The following ADCY8 variants were observed in gnomAD, a reference collection of about 807,000 sequenced individuals.
ADCY8 encodes adenylate cyclase type 8.
A neutral mutation model predicts 119.7 loss-of-function variants in ADCY8; 51 were observed. The observed-to-expected ratio is 0.43, with a 90% confidence interval of 0.34 to 0.54. ADCY8 has a LOEUF of 0.54. ADCY8 is among the 20% of genes least tolerant of loss of function. The pLI is 0.03. For missense variants in ADCY8, 1,383 were observed against 1,598.8 expected, an observed-to-expected ratio of 0.87 and a Z score of 2.30; for synonymous variants, 665 against 651.0, an observed-to-expected ratio of 1.02 and a Z score of -0.33.
intron 9 of ADCY8, among the ~76,000 whole-genome samples, chr8:130,866,301 A>T (rs902954803): frequency 6.7e-5 from 10 of 149,924 alleles, no homozygotes. Flanking sequence ...AAGGTCAAGC[A>T]TGGCCTGCCC....
At chr8:130,879,606 A>G (rs981191825) in intron 8 of ADCY8, among the ~76,000 whole-genome samples, 1 of 152,208 alleles carries the variant, frequency 6.6e-6, no homozygotes, top group Non-Finnish European at 1.5e-5. Context: ...TTTATCCTAA[A>G]AATAAATAAG....
chr8:130,836,444 A>G lies in ADCY8; in HGVS notation c.2508T>C (p.Phe836=). The change falls in exon 12 of 18, where the codon TTT becomes TTC. Residue 836 remains phenylalanine, a synonymous_variant. Transcript: ENST00000286355. The part of the protein sequence containing the change: ...FTDICSYPEY[F]VFTGVLAMVT... ...CCATGGCCAACACCCCCGTGAAGAC[A>G]AAGTACTGGAAACAGAGAATGCAGG... 6.2e-7 allele frequency: 1 copy of G among 1,613,142 alleles called. No homozygotes were observed. The highest frequency in any genetic ancestry group is 8.5e-7 in the Non-Finnish European group (1 of 1,179,524).
intron 1 of ADCY8, among the ~76,000 whole-genome samples, chr8:131,035,368 G>A (rs1824119382): frequency 6.6e-6 from 1 of 152,134 alleles, no homozygotes; most frequent in African/African-American, 2.4e-5. Context: ...AAAACATATG[G>A]GTGATTATGT....
At chr8:130,879,928 G>A (rs1404682011) in intron 8 of ADCY8, among the ~76,000 whole-genome samples, 1 of 152,136 alleles carries the variant, frequency 6.6e-6, no homozygotes, top group African/African-American at 2.4e-5. Context: ...TTGTGGGAGG[G>A]ACCCAGTGGG....
chr8:130,985,185 C>G (rs1822363298), intron 2 of ADCY8, among the ~76,000 whole-genome samples: 1 of 151,902 alleles, frequency 6.6e-6, no homozygotes. Flanking sequence ...CTGTGAAAAT[C>G]AAGGATACGA....
Position 130,984,931 on chromosome 8 carries a change from G to A in ADCY8, c.1110+5462C>T, listed in dbSNP as rs185202136. 7.2e-5 allele frequency among the ~76,000 whole-genome samples: 11 copies of A among 152,222 alleles called. No individual in the cohort carries two copies. The East Asian group carries it at 1.7e-3, about 24-fold the overall frequency. ...AGAGATGCTGATGTGGGAACAATCC[G>A]GAAGTGAAGGTTGAAGCCATGATAC... On this transcript the variant is annotated intron_variant, in intron 2 of 17. Transcript: ENST00000286355.
intron 1 of ADCY8, among the ~76,000 whole-genome samples, chr8:131,025,461 A>T (rs996359408): frequency 1.3e-5 from 2 of 152,140 alleles, no homozygotes; most frequent in African/African-American, 4.8e-5. Flanking sequence ...TACTGATGCG[A>T]ATATGATTGT....
chr8:130,910,959 A>T (rs557031345), intron 5 of ADCY8, among the ~76,000 whole-genome samples: 65 of 152,300 alleles, frequency 4.3e-4, no homozygotes, highest in African/African-American at 1.5e-3. Context: ...AAATGCAATG[A>T]TTATGTGACT....
At chr8:130,801,421 T>C (rs181093178) in intron 14 of ADCY8, among the ~76,000 whole-genome samples, 2 of 152,354 alleles carry the variant, frequency 1.3e-5, no homozygotes, top group Admixed American at 1.3e-4. Context: ...CTGTCTTTCC[T>C]TCTCTTGCTG....
At chr8:130,960,713 A>T (rs1821575507) in intron 2 of ADCY8, among the ~76,000 whole-genome samples, 1 of 152,122 alleles carries the variant, frequency 6.6e-6, no homozygotes. Context: ...TTGAATACAA[A>T]CAGGGGAAAA....
In ADCY8 at chr8:130,954,446, T is replaced by A. The variant is rs138266155; in HGVS notation, c.1111-2448A>T. Among the ~76,000 whole-genome samples, 1,174 of 152,290 alleles carry A rather than the reference T, an allele frequency of 7.7e-3. 20 individuals carry two copies. The highest frequency in any genetic ancestry group is 0.026 in the African/African-American group (1,088 of 41,560). On this transcript the variant is annotated intron_variant, in intron 2 of 17. Coordinates refer to ENST00000286355, the MANE Select transcript of ADCY8 (RefSeq NM_001115.3). ...ATTCTGTGATCTGACCATTCATCAG[T>A]ATGTTTTGAAGGTTCATAAAAGTGC...
At chr8:130,874,919 A>G (rs956409836) in intron 8 of ADCY8, among the ~76,000 whole-genome samples, 4 of 151,904 alleles carry the variant, frequency 2.6e-5, no homozygotes, top group African/African-American at 9.7e-5. Flanking sequence ...TATATTCTTT[A>G]CCTAGAAGTC....
chr8:130,798,302 A>G (rs186084487), intron 15 of ADCY8, among the ~76,000 whole-genome samples: 18 of 152,314 alleles, frequency 1.2e-4, no homozygotes, highest in African/African-American at 4.3e-4. Flanking sequence ...ACCTGGATAG[A>G]GATGGGGGTT....
intron 12 of ADCY8, among the ~76,000 whole-genome samples, chr8:130,833,008 T>A (rs1258561029): frequency 1.3e-5 from 2 of 152,248 alleles, no homozygotes; most frequent in Non-Finnish European, 2.9e-5. Context: ...TAGATGGTTT[T>A]ACTTTTATTT....
chr8:130,951,587 T>C (rs756399501), intron 3 of ADCY8, among the ~76,000 whole-genome samples: 8 of 152,168 alleles, frequency 5.3e-5, no homozygotes, highest in Non-Finnish European at 8.8e-5. Context: ...GTCTAAAAGG[T>C]GTTTGCCTTT....
At chr8:130,836,243 AGC>A (rs1816982104) in intron 12 of ADCY8, 32 bp downstream of exon 12, 1 of 1,570,534 alleles carries the variant, frequency 6.4e-7, no homozygotes, top group Admixed American at 1.9e-5. Context: ...CAGGAAGTTG[AGC>A]ACACTTTGGA....
intron 7 of ADCY8, among the ~76,000 whole-genome samples, chr8:130,887,846 T>C (rs1052190089): frequency 2.2e-5 from 3 of 137,472 alleles, no homozygotes; most frequent in Admixed American, 1.6e-4. Flanking sequence ...GTTACCAACA[T>C]AAAAAATCCA....
At chr8:130,991,702 C>T (rs1822583217) in intron 1 of ADCY8, among the ~76,000 whole-genome samples, 2 of 152,140 alleles carry the variant, frequency 1.3e-5, no homozygotes, top group Admixed American at 6.5e-5. Context: ...TAAAAATAAA[C>T]ATTAAAATGT....
chr8:130,942,988 G>A (rs1432801622), intron 4 of ADCY8, among the ~76,000 whole-genome samples: 3 of 152,118 alleles, frequency 2.0e-5, no homozygotes, highest in Admixed American at 6.6e-5. Context: ...AGGGTTGGCT[G>A]GGAAACTGCA....
Sources: gnomAD v4.1 joint callset for allele counts (sites outside exome capture counted in the v4.1 genomes callset) on GRCh38, gnomAD v4.1.1 for gene constraint, MANE v1.5 for transcripts, NCBI Gene and HGNC (gene_info 2026-07-23, HGNC 2026-07-21) for gene names.